TEX10: variants seen among roughly 807,000 people sequenced by gnomAD.
TEX10 encodes testis expressed 10.
Under a neutral mutation model 104.4 loss-of-function variants are expected in TEX10, and 24 were observed. The ratio of observed to expected loss-of-function variants is 0.23; its 90% CI spans 0.17 to 0.32. The LOEUF is 0.32. Ranked by LOEUF, TEX10 falls within the 10% of genes least tolerant of loss-of-function variation. The probability of loss-of-function intolerance (pLI) is 1.00; values close to 1 mark genes in which losing one functional copy is unlikely to be tolerated. For synonymous variants in TEX10, 396 were observed against 393.4 expected (o/e 1.01, Z -0.08); for missense variants, 921 against 1,083.9 (o/e 0.85, Z 2.11).
intron 14 of TEX10, among the ~76,000 whole-genome samples, chr9:100,303,136 G>A (rs1340247653): frequency 1.3e-5 from 2 of 152,156 alleles, no homozygotes; most frequent in Admixed American, 6.5e-5. Context: ...AACATTTATG[G>A]AGCACTTAAC....
intron 12 of TEX10, 56 bp from the exon 13 acceptor site, chr9:100,308,737 A>G (rs1202978428): frequency 1.4e-6 from 2 of 1,415,372 alleles, no homozygotes; most frequent in Non-Finnish European, 1.9e-6. Flanking sequence ...GCTCCTCCAC[A>G]TAAAACCAAA....
chr9:100,302,085 T>C lies in TEX10; in HGVS notation c.*106A>G, dbSNP rs1039090132. 6 of 660,644 alleles carry C rather than the reference T, an allele frequency of 9.1e-6. No homozygotes were observed. In the East Asian group the frequency reaches 1.6e-4, roughly 18 times the overall value. The allele number at this position is 660,644 out of a possible 1,614,324, so 40.9% of individuals were successfully genotyped here. Reference sequence around the variant, plus strand: ...TGCAAAGAAAGAAGGTTCGTAAACTTCTTTAAAAGTTCAGCTTTAATGACA... The same window carrying C: ...TGCAAAGAAAGAAGGTTCGTAAACTCCTTTAAAAGTTCAGCTTTAATGACA... On this transcript the variant is annotated 3_prime_UTR_variant, in exon 15 of 15. Transcript: ENST00000374902.
In TEX10 at chr9:100,340,364, T is replaced by C. The variant is rs151228708; in HGVS notation, c.1143A>G (p.Ser381=). The C allele has an allele frequency of 8.1e-5, 125 of 1,535,622 alleles. No individual in the cohort carries two copies. Among genetic ancestry groups the C allele is most frequent in the Non-Finnish European group, 1.1e-4 (122 of 1,147,796 alleles). The change falls in exon 5 of 15, where the codon TCA becomes TCG. Residue 381 remains serine (S), a synonymous_variant. Transcript: ENST00000374902. ...KQQDETHKLE[S]WLRKNYLIDF... ...CAATAAGGTAGTTCTTTCGAAGCCA[T>C]GACTCCTATTGAAATAGCAAAGATT...
Position 100,340,300 on chromosome 9 carries a change from A to C in TEX10, c.1207T>G (p.Leu403Val), listed in dbSNP as rs1191778931. The change falls in exon 5 of 15, where the codon TTA (leucine) becomes GTA (valine). Residue 403 changes from leucine to valine, a missense_variant. Coordinates refer to ENST00000374902, the MANE Select transcript of TEX10 (RefSeq NM_017746.4). The part of the protein sequence containing the change: ...HHFMSRFPYV[L>V]KEITKHKRKE... ...CTTTTGTGCTTGGTTATTTCTTTTA[A>C]GACATATGGAAAACGACTCATAAAA... 1.3e-6 allele frequency: 2 copies of C among 1,578,774 alleles called. No homozygotes were observed. The highest frequency in any genetic ancestry group is 2.4e-5 in the South Asian group (2 of 83,558).
chr9:100,324,772 G>C (rs907366267), intron 9 of TEX10, among the ~76,000 whole-genome samples: 2 of 152,152 alleles, frequency 1.3e-5, no homozygotes, highest in Non-Finnish European at 2.9e-5. Context: ...GGAACTGAAT[G>C]TAAGTTATAT....
chr9:100,306,813 A>G (rs1834155699), intron 13 of TEX10: 1 of 152,198 alleles, frequency 6.6e-6, no homozygotes, highest in African/African-American at 2.4e-5. Context: ...TATTACACAC[A>G]CTTAATTTTG....
At chr9:100,310,821 T>C (rs1564203186) in intron 11 of TEX10, among the ~76,000 whole-genome samples, 1 of 152,188 alleles carries the variant, frequency 6.6e-6, no homozygotes, top group Non-Finnish European at 1.5e-5. Flanking sequence ...ATGTCAAAGA[T>C]CAAACAAATA....
intron 14 of TEX10, 59 bp from the exon 15 acceptor site, chr9:100,302,363 A>G (rs535918870): frequency 1.6e-6 from 2 of 1,217,626 alleles, no homozygotes; most frequent in South Asian, 1.4e-5. Flanking sequence ...GCTACCTGAC[A>G]GTATTTTTCA....
Position 100,310,395 on chromosome 9 carries a change from A to G in TEX10, c.2203-16T>C. ...GAAAAACTGCCTGTCAGAAAAGGAG[A>G]AAACCACTAACCAAATCAGAACATT... On this transcript the variant is annotated splice_polypyrimidine_tract_variant and intron_variant, in intron 11 of 14. Transcript: ENST00000374902. The G allele has an allele frequency of 6.2e-7, 1 of 1,605,536 alleles. No individual in the cohort carries two copies. Among genetic ancestry groups the G allele is most frequent in the Non-Finnish European group, 8.5e-7 (1 of 1,173,998 alleles).
chr9:100,346,655 A>T, intron 3 of TEX10, 39 bp downstream of exon 3: 1 of 1,553,932 alleles, frequency 6.4e-7, no homozygotes, highest in Non-Finnish European at 8.7e-7. Context: ...ATAATTCAAT[A>T]CAGCAAAACT....
chr9:100,310,228 C>A, intron 12 of TEX10, 71 bp downstream of exon 12: 2 of 1,218,640 alleles, frequency 1.6e-6, no homozygotes, highest in Admixed American at 1.9e-5. Context: ...CTTTCTGGGG[C>A]TGTGGAAAAC....
At chr9:100,324,526 A>C (rs1834654678) in intron 9 of TEX10, among the ~76,000 whole-genome samples, 1 of 152,250 alleles carries the variant, frequency 6.6e-6, no homozygotes, top group Non-Finnish European at 1.5e-5. Context: ...GTAGACTTTT[A>C]ACTACAATGA....
intron 2 of TEX10, among the ~76,000 whole-genome samples, chr9:100,347,754 C>T (rs1554740745): frequency 6.6e-6 from 1 of 152,112 alleles, no homozygotes; most frequent in African/African-American, 2.4e-5. Flanking sequence ...TCTTGACAGG[C>T]CGTTTCTGCC....
Position 100,352,870 on chromosome 9 carries a change from A to G in TEX10, c.-108T>C. ...GCGTGCGCCGCCGACCTCAGGCTCT[A>G]GCTCCCGGAGCGTGTTTTCAAATAG... On this transcript the variant is annotated 5_prime_UTR_variant, in exon 1 of 15. Transcript: ENST00000374902. 1.0e-6 allele frequency: 1 copy of G among 999,712 alleles called. No individual in the cohort carries two copies. Among genetic ancestry groups the G allele is most frequent in the African/African-American group, 1.7e-5 (1 of 57,650 alleles). 61.9% of individuals were successfully genotyped at this position (999,712 alleles called of 1,614,324 possible). A position where few individuals can be genotyped will look rare whatever the true frequency, so the allele number is the denominator to read the frequency against.
At chr9:100,320,913 C>T (rs1174436090) in intron 10 of TEX10, among the ~76,000 whole-genome samples, 1 of 152,174 alleles carries the variant, frequency 6.6e-6, no homozygotes, top group African/African-American at 2.4e-5. Context: ...CTTGGCCTAA[C>T]CTACACAAAC....
intron 4 of TEX10, among the ~76,000 whole-genome samples, chr9:100,340,699 CTGA>C (rs1465652852): frequency 6.6e-6 from 1 of 152,142 alleles, no homozygotes; most frequent in African/African-American, 2.4e-5. Context: ...GTCTTTCTCC[CTGA>C]TGTTCTGTCT....
At chr9:100,304,429 T>A (rs959201516) in intron 13 of TEX10, 2 of 153,598 alleles carry the variant, frequency 1.3e-5, no homozygotes, top group Admixed American at 1.3e-4. Context: ...GCCACATACC[T>A]ACAACTATCT....
At chr9:100,325,493 A>T (rs999432257) in intron 9 of TEX10, among the ~76,000 whole-genome samples, 4 of 152,190 alleles carry the variant, frequency 2.6e-5, no homozygotes, top group African/African-American at 9.7e-5. Flanking sequence ...TTGCACTCTA[A>T]TCTGGGCAAC....
chr9:100,340,822 G>A lies in TEX10; in HGVS notation c.1138-453C>T, dbSNP rs115974566. On this transcript the variant is annotated intron_variant, in intron 4 of 14. Transcript: ENST00000374902. ...GGTGAATTTATCATTTCCCTCCTAT[G>A]GAAACACTGTCTTTCTAATTCCAAA... 7.3e-3 allele frequency among the ~76,000 whole-genome samples: 1,111 copies of A among 152,162 alleles called. 10 individuals are homozygous for A. Among genetic ancestry groups the A allele is most frequent in the African/African-American group, 0.025 (1,018 of 41,506 alleles).
Sources: gnomAD v4.1 joint callset for allele counts (sites outside exome capture counted in the v4.1 genomes callset) on GRCh38, gnomAD v4.1.1 for gene constraint, MANE v1.5 for transcripts, NCBI Gene and HGNC (gene_info 2026-07-23, HGNC 2026-07-21) for gene names.